Variants in PIEZO2 observed in about 807,000 individuals in gnomAD.
The protein encoded by PIEZO2 is piezo type mechanosensitive ion channel component 2.
In PIEZO2, 172 loss-of-function variants were observed where a neutral mutation model predicts 337.3. The ratio of observed to expected loss-of-function variants is 0.51; its 90% CI spans 0.45 to 0.58. PIEZO2 has a LOEUF of 0.58. Ranked by LOEUF, PIEZO2 falls within the 20% of genes least tolerant of loss-of-function variation. The probability of loss-of-function intolerance (pLI) is 0.00; values close to 1 mark genes in which losing one functional copy is unlikely to be tolerated. For synonymous variants in PIEZO2, 1,251 were observed against 1,228.5 expected (o/e 1.02, Z -0.38); for missense variants, 3,028 against 3,391.3 (o/e 0.89, Z 2.66).
Position 10,671,442 on chromosome 18 carries a change from T to A in PIEZO2, c.*85A>T. ...GAGAAACAAACCATTTCCGTCGAAC[T>A]AGAAATGCTTAGCTCTTATGAGAAT... On this transcript the variant is annotated 3_prime_UTR_variant, in exon 56 of 56. Transcript: ENST00000674853. 7.2e-7 allele frequency: 1 copy of A among 1,388,358 alleles called. No homozygotes were observed. The highest frequency in any genetic ancestry group is 9.7e-7 in the Non-Finnish European group (1 of 1,033,384). The allele number at this position is 1,388,358 out of a possible 1,614,324, so 86.0% of individuals were successfully genotyped here.
intron 45 of PIEZO2, 86 bp from the exon 46 acceptor site, chr18:10,696,625 C>T (rs1273614425): frequency 1.6e-5 from 24 of 1,467,616 alleles, no homozygotes; most frequent in Non-Finnish European, 5.6e-6. Context: ...CATCATGCCA[C>T]TCCTCTGCAT....
rs917225432 is a variant in PIEZO2 at position 11,070,260 on chromosome 18, TA to T, written c.65-4039del. ...AAGGATTTATGTATCTAAACATATC[TA>T]AATACAGAAAAAGTACAGTAAAAAT... On this transcript the variant is annotated intron_variant, in intron 1 of 55. Transcript: ENST00000674853. This position sits in a 1 kb window ranked among gnomAD's most constrained non-coding sequence, Gnocchi z 4.3. Among the ~76,000 whole-genome samples, 31 of 152,146 alleles carry T rather than the reference TA, an allele frequency of 2.0e-4. No individual in the cohort carries two copies. The highest frequency in any genetic ancestry group is 7.5e-4 in the African/African-American group (31 of 41,428).
intron 2 of PIEZO2, among the ~76,000 whole-genome samples, chr18:11,018,716 C>A (rs143784721): frequency 6.6e-6 from 1 of 152,170 alleles, no homozygotes. Context: ...ATTATTGAGA[C>A]AAGGAACAGA....
At chr18:10,671,983 C>T (rs1193496674) in intron 55 of PIEZO2, among the ~76,000 whole-genome samples, 1 of 152,094 alleles carries the variant, frequency 6.6e-6, no homozygotes, top group Non-Finnish European at 1.5e-5. Flanking sequence ...TTATGTATTA[C>T]AGAACTGTTA....
At position 11,128,435 on chromosome 18, in the gene PIEZO2, A is replaced by G. The variant is rs2040248119; in HGVS notation, c.64+20090T>C. Among the ~76,000 whole-genome samples, 1 of 152,036 alleles carries G rather than the reference A, an allele frequency of 6.6e-6. No individual in the cohort carries two copies. Among genetic ancestry groups the G allele is most frequent in the African/African-American group, 2.4e-5 (1 of 41,394 alleles). ...AGGGCATTGATTGAAAAAGAATGGG[A>G]CCCTGCAACTTGGAATGGGGATGTG... On this transcript the variant is annotated intron_variant, in intron 1 of 55. Coordinates refer to ENST00000674853, the MANE Select transcript of PIEZO2 (RefSeq NM_001378183.1). The surrounding 1 kb of genome is among the most constrained non-coding windows in gnomAD (Gnocchi z 4.1).
In PIEZO2 at chr18:11,110,159, C is replaced by A. The variant is rs529547032; in HGVS notation, c.64+38366G>T. On this transcript the variant is annotated intron_variant, in intron 1 of 55. Coordinates refer to ENST00000674853, the MANE Select transcript of PIEZO2 (RefSeq NM_001378183.1). This position sits in a 1 kb window ranked among gnomAD's most constrained non-coding sequence, Gnocchi z 4.2. ...TCTTATTTAAAGACAGCATCTTACT[C>A]TATCACCCAGGCTGGAGTAAAGTGG... Among the ~76,000 whole-genome samples, 23 of 152,146 alleles carry A rather than the reference C, an allele frequency of 1.5e-4. No individual in the cohort carries two copies. Among genetic ancestry groups the A allele is most frequent in the Non-Finnish European group, 3.1e-4 (21 of 68,020 alleles).
At chr18:10,885,091 G>A (rs1441622211) in intron 4 of PIEZO2, among the ~76,000 whole-genome samples, 1 of 152,126 alleles carries the variant, frequency 6.6e-6, no homozygotes, top group Non-Finnish European at 1.5e-5. Flanking sequence ...CCGAAAAACA[G>A]ATGAATGCAA....
At position 10,795,976 on chromosome 18, in the gene PIEZO2, T is replaced by A. The variant is rs1157422860; in HGVS notation, c.1528-974A>T. Reference sequence around the variant, plus strand: ...AGGGTCTGTTTTGAAGGTGTGATGTTGCAGATGGTGAGTAGAAACACACAT... The same window carrying A: ...AGGGTCTGTTTTGAAGGTGTGATGTAGCAGATGGTGAGTAGAAACACACAT... On this transcript the variant is annotated intron_variant, in intron 12 of 55. Coordinates refer to ENST00000674853, the MANE Select transcript of PIEZO2 (RefSeq NM_001378183.1). The surrounding 1 kb of genome is among the most constrained non-coding windows in gnomAD (Gnocchi z 4.4). Among the ~76,000 whole-genome samples the A allele has an allele frequency of 3.9e-5, 6 of 152,078 alleles. No individual in the cohort carries two copies. Among genetic ancestry groups the A allele is most frequent in the African/African-American group, 9.7e-5 (4 of 41,402 alleles).
At position 10,854,641 on chromosome 18, in the gene PIEZO2, C is replaced by T. The variant is rs1014729159; in HGVS notation, c.917+712G>A. On this transcript the variant is annotated intron_variant, in intron 7 of 55. Coordinates refer to ENST00000674853, the MANE Select transcript of PIEZO2 (RefSeq NM_001378183.1). This position sits in a 1 kb window ranked among gnomAD's most constrained non-coding sequence, Gnocchi z 4.6. Reference sequence around the variant, plus strand: ...ATTTGGTGTAATAGTCATCTCCAATCGAAGCAAAGTATTTGATGTTTCTCC... The same window carrying T: ...ATTTGGTGTAATAGTCATCTCCAATTGAAGCAAAGTATTTGATGTTTCTCC... Among the ~76,000 whole-genome samples the T allele has an allele frequency of 1.3e-5, 2 of 152,196 alleles. No individual in the cohort carries two copies. Among genetic ancestry groups the T allele is most frequent in the Non-Finnish European group, 2.9e-5 (2 of 68,032 alleles).
chr18:11,043,962 C>T (rs538118291), intron 2 of PIEZO2, among the ~76,000 whole-genome samples: 2 of 152,092 alleles, frequency 1.3e-5, no homozygotes, highest in South Asian at 2.1e-4. Flanking sequence ...GTTGAGCCAC[C>T]GTGTCTGGCT....
intron 11 of PIEZO2, 137 bp from the exon 12 acceptor site, chr18:10,797,659 A>C: frequency 7.3e-7 from 1 of 1,371,534 alleles, no homozygotes; most frequent in Non-Finnish European, 9.6e-7. Context: ...CCATTCATAA[A>C]GCCCTTAAAA....
Position 10,855,379 on chromosome 18 carries a change from T to C in PIEZO2, c.891A>G (p.Ala297=). The change falls in exon 7 of 56, where the codon GCA becomes GCG. Residue 297 remains alanine, a synonymous_variant. Transcript: ENST00000674853. This position sits in a 1 kb window ranked among gnomAD's most constrained non-coding sequence, Gnocchi z 4.9. Reference sequence around the variant, plus strand: ...TTGCATAGTAGTCATTGGGTGGAACTGCCTCTTGAAAGAATTGGAACTGGT... The same window carrying C: ...TTGCATAGTAGTCATTGGGTGGAACCGCCTCTTGAAAGAATTGGAACTGGT... ...YLYQFQFFQE[A]VPPNDYYARL... The C allele has an allele frequency of 1.3e-6, 2 of 1,536,696 alleles. No homozygotes were observed. Among genetic ancestry groups the C allele is most frequent in the Non-Finnish European group, 1.7e-6 (2 of 1,146,408 alleles).
Position 11,086,069 on chromosome 18 carries a change from CA to C in PIEZO2, c.65-19848del, listed in dbSNP as rs1322253631. ...TATGTAATTGAATTGACATGACTTA[CA>C]AAAAATTATATTTATAATGGCATAC... On this transcript the variant is annotated intron_variant, in intron 1 of 55. Transcript: ENST00000674853. 5.9e-5 allele frequency among the ~76,000 whole-genome samples: 9 copies of C among 152,114 alleles called. No homozygotes were observed. The South Asian group carries it at 1.0e-3, about 18-fold the overall frequency.
intron 2 of PIEZO2, among the ~76,000 whole-genome samples, chr18:11,043,172 T>C (rs1035403494): frequency 1.4e-4 from 22 of 152,068 alleles, no homozygotes; most frequent in African/African-American, 5.3e-4. Context: ...CAAATGCTTA[T>C]CTTATGGAGC....
intron 2 of PIEZO2, among the ~76,000 whole-genome samples, chr18:10,995,036 C>T (rs1249955770): frequency 6.7e-6 from 1 of 148,540 alleles, no homozygotes; most frequent in South Asian, 2.1e-4. Context: ...CGAGATCGTG[C>T]CACTGCACTC....
chr18:10,976,927 G>A (rs1434118563), intron 3 of PIEZO2, among the ~76,000 whole-genome samples: 2 of 151,648 alleles, frequency 1.3e-5, no homozygotes, highest in African/African-American at 4.8e-5. Context: ...CATGGTACTA[G>A]TAGAGGTCCC....
chr18:11,037,187 T>C (rs886647816), intron 2 of PIEZO2, among the ~76,000 whole-genome samples: 2 of 152,166 alleles, frequency 1.3e-5, no homozygotes, highest in African/African-American at 2.4e-5. Context: ...GTCAGAACTT[T>C]TTAAAGCATC....
rs2035086300 is a variant in PIEZO2, at chr18:10,696,383, C to T, written c.6975+9G>A. On this transcript the variant is annotated intron_variant, in intron 46 of 55. Coordinates refer to ENST00000674853, the MANE Select transcript of PIEZO2 (RefSeq NM_001378183.1). The stretch of plus-strand genomic sequence containing the variant: ...CAGGGCGGGTGCTGTGGCCTTTGCC[C>T]CAACCTACCCCAAAGGCCCAAAAGC... 5 of 1,614,130 alleles carry T rather than the reference C, an allele frequency of 3.1e-6. No homozygotes were observed. The Admixed American group carries it at 8.3e-5, about 27-fold the overall frequency.
chr18:10,680,511 G>T, intron 51 of PIEZO2, 140 bp from the exon 52 acceptor site: 1 of 828,060 alleles, frequency 1.2e-6, no homozygotes, highest in Non-Finnish European at 1.8e-6. Context: ...GGATGGTCTT[G>T]AGTGTTCCAT....
Sources: gnomAD v4.1 joint callset for allele counts (sites outside exome capture counted in the v4.1 genomes callset) on GRCh38, gnomAD v4.1.1 for gene constraint, Gnocchi (gnomAD v3.1) non-coding constraint, MANE v1.5 for transcripts, NCBI Gene and HGNC (gene_info 2026-07-23, HGNC 2026-07-21) for gene names.